Variants in PIF1 observed in about 807,000 individuals in gnomAD.
PIF1 encodes ATP-dependent DNA helicase PIF1.
A neutral mutation model predicts 62.3 loss-of-function variants in PIF1; 67 were observed. The observed-to-expected ratio is 1.08, with a 90% CI of 0.88 to 1.32. The LOEUF (loss-of-function observed/expected upper bound fraction) is 1.32, where lower values mean the gene tolerates loss of function less well. Ranked by LOEUF, PIF1 falls within the 40% of genes most tolerant of loss-of-function variation. The probability of loss-of-function intolerance (pLI) is 0.00; values close to 1 mark genes in which losing one functional copy is unlikely to be tolerated. For missense variants in PIF1, 886 were observed against 866.1 expected (o/e 1.02, Z -0.29); for synonymous variants, 364 against 379.5 (o/e 0.96, Z 0.47).
upstream of PIF1, among the ~76,000 whole-genome samples, chr15:64,826,622 A>ATT (rs1216640142): frequency 2.1e-3 from 104 of 50,170 alleles, no homozygotes; most frequent in East Asian, 0.018. Context: ...CACCCAGCTA[A>ATT]TTTATATATA....
rs374087577 is a variant in PIF1, at chr15:64,824,646, A to G, written c.-19-292T>C. On this transcript the variant is annotated intron_variant, in intron 1 of 12. Transcript: ENST00000559239. ...GGATCACCTGAAGTTAGGAGTTCTG[A>G]GACCAGCCTGGCCAACATGGTGAAA... Among the ~76,000 whole-genome samples the G allele has an allele frequency of 4.4e-4, 67 of 151,982 alleles. 2 individuals carry two copies. The East Asian group carries it at 9.7e-3, about 22-fold the overall frequency.
Position 64,822,490 on chromosome 15 carries a change from T to C in PIF1, c.679A>G (p.Thr227Ala). ...CTGCCCCCACTACCTGCACTCCCAGTGAAGAAGATGCTCTGGCCTTTCAGG... is the reference window on the plus strand; with the variant it reads ...CTGCCCCCACTACCTGCACTCCCAGCGAAGAAGATGCTCTGGCCTTTCAGG... ...AVLKGQSIFF[T>A]GSAGTGKSYL... Residue 227 changes from threonine (T) to alanine (A), a missense_variant, in exon 3 of 13, where the codon ACT becomes GCT. Physicochemically the swap from Thr to Ala is moderately conservative, Grantham distance 58. Transcript: ENST00000559239. 1 of 1,613,330 alleles carries C rather than the reference T, an allele frequency of 6.2e-7. No homozygotes were observed. The highest frequency in any genetic ancestry group is 8.5e-7 in the Non-Finnish European group (1 of 1,179,772).
Position 64,824,368 on chromosome 15 carries a change from G to A in PIF1, c.-19-14C>T, listed in dbSNP as rs764444835. ...GCCTCTGCTGGTCTGCGAAGACACC[G>A]GAGCACAGGGGTCATGAGGATTCAT... On this transcript the variant is annotated splice_polypyrimidine_tract_variant and intron_variant, in intron 1 of 12. Transcript: ENST00000559239. 2.0e-4 allele frequency: 250 copies of A among 1,239,168 alleles called. No homozygotes were observed. Among genetic ancestry groups the A allele is most frequent in the Middle Eastern group, 5.1e-4 (2 of 3,928 alleles). The allele number at this position is 1,239,168 out of a possible 1,614,324, so 76.8% of individuals were successfully genotyped here. A position where few individuals can be genotyped will look rare whatever the true frequency, so the allele number is the denominator to read the frequency against.
In PIF1 at chr15:64,821,254, G is replaced by A. The variant is rs137960587; in HGVS notation, c.999C>T (p.Phe333=). 36 of 1,614,234 alleles carry A rather than the reference G, an allele frequency of 2.2e-5. No individual in the cohort carries two copies. Among genetic ancestry groups the A allele is most frequent in the Non-Finnish European group, 2.5e-5 (29 of 1,180,048 alleles). Residue 333 remains phenylalanine, a synonymous_variant, in exon 6 of 13, where the codon TTC becomes TTT. Coordinates refer to ENST00000559239, the MANE Select transcript of PIF1 (RefSeq NM_001286496.2). ...ARAVRQQNKP[F]GGIQLIICGD... is the part of the protein sequence containing the mutation. ...CACAGATGATGAGCTGGATCCCTCC[G>A]AATGGCTTGTTCTGCTGCCGGACAG...
Position 64,822,612 on chromosome 15 carries a change from T to G in PIF1, c.559-2A>C. 2 of 1,613,676 alleles carry G rather than the reference T, an allele frequency of 1.2e-6. No homozygotes were observed. The highest frequency in any genetic ancestry group is 2.2e-5 in the East Asian group (1 of 44,886). ...AGGCAGGGGCCACCTTGGGGCTTCCTGGGGGGAACAGAGCTATCTCAGAGC... is the reference window on the plus strand; with the variant it reads ...AGGCAGGGGCCACCTTGGGGCTTCCGGGGGGGAACAGAGCTATCTCAGAGC... On this transcript the variant is annotated splice_acceptor_variant, in intron 2 of 12. Transcript: ENST00000559239. LOFTEE classifies it high-confidence loss of function.
At chr15:64,821,344 T>C in intron 5 of PIF1, 23 bp downstream of exon 5, 1 of 1,613,974 alleles carries the variant, frequency 6.2e-7, no homozygotes, top group South Asian at 1.1e-5. Context: ...AGTTCTCACC[T>C]GCTGCCCTCT....
chr15:64,818,575 G>C, intron 9 of PIF1: 1 of 535,074 alleles, frequency 1.9e-6, no homozygotes, highest in Non-Finnish European at 3.4e-6. Flanking sequence ...ATTTGCCCCA[G>C]AAGGAGGTGG....
In PIF1 at chr15:64,821,096, G is replaced by A. The variant is rs773180180; in HGVS notation, c.1087-8C>T. ...CCTCTTCCAGCTCTTGGACTGGTGG[G>A]GGCAGGGTGGGGGTGGGTCAAGGAG... On this transcript the variant is annotated splice_region_variant and splice_polypyrimidine_tract_variant and intron_variant, in intron 6 of 12. Coordinates refer to ENST00000559239, the MANE Select transcript of PIF1 (RefSeq NM_001286496.2). 1.9e-6 allele frequency: 3 copies of A among 1,613,366 alleles called. No individual in the cohort carries two copies. Among genetic ancestry groups the A allele is most frequent in the Non-Finnish European group, 2.5e-6 (3 of 1,179,356 alleles).
chr15:64,819,092 G>A (rs1219483806), intron 9 of PIF1, 25 bp downstream of exon 9: 4 of 1,545,502 alleles, frequency 2.6e-6, no homozygotes, highest in Non-Finnish European at 1.7e-6. Flanking sequence ...AAGCTCCCAG[G>A]GGCTAGGCCC....
In PIF1 at chr15:64,822,320, T is replaced by G. The variant is rs773428828; in HGVS notation, c.763A>C (p.Ser255Arg). 2 of 1,613,188 alleles carry G rather than the reference T, an allele frequency of 1.2e-6. No homozygotes were observed. The highest frequency in any genetic ancestry group is 1.7e-6 in the Non-Finnish European group (2 of 1,179,904). Residue 255 changes from serine (S) to arginine (R), a missense_variant, in exon 4 of 13, where the codon AGC becomes CGC. Coordinates refer to ENST00000559239, the MANE Select transcript of PIF1 (RefSeq NM_001286496.2). ...LPPTGTVATA[S>R]TGVAACHIGG... Reference sequence around the variant, plus strand: ...ATGTGGCAGGCTGCCACCCCAGTGCTGGCAGTGGCCACAGTGCCTGTGGGG... The same window carrying G: ...ATGTGGCAGGCTGCCACCCCAGTGCGGGCAGTGGCCACAGTGCCTGTGGGG...
Position 64,822,485 on chromosome 15 carries a change from C to T in PIF1, c.684G>A (p.Gly228=). 1 of 1,614,106 alleles carries T rather than the reference C, an allele frequency of 6.2e-7. No individual in the cohort carries two copies. The highest frequency in any genetic ancestry group is 1.6e-4 in the Middle Eastern group (1 of 6,062). ...VLKGQSIFFT[G]SAGTGKSYLL... ...CCTCTCTGCCCCCACTACCTGCACT[C>T]CCAGTGAAGAAGATGCTCTGGCCTT... Residue 228 remains glycine, a synonymous_variant, in exon 3 of 13, where the codon GGG becomes GGA. Coordinates refer to ENST00000559239, the MANE Select transcript of PIF1 (RefSeq NM_001286496.2).
Position 64,824,241 on chromosome 15 carries a change from G to C in PIF1, c.95C>G (p.Pro32Arg). 3 of 1,315,746 alleles carry C rather than the reference G, an allele frequency of 2.3e-6. No homozygotes were observed. Among genetic ancestry groups the C allele is most frequent in the Non-Finnish European group, 2.9e-6 (3 of 1,026,760 alleles). 81.5% of individuals were successfully genotyped at this position (1,315,746 alleles called of 1,614,324 possible). The change falls in exon 2 of 13, where the codon CCG becomes CGG. Residue 32 changes from proline (P) to arginine (R), a missense_variant. Coordinates refer to ENST00000559239, the MANE Select transcript of PIF1 (RefSeq NM_001286496.2). ...AVEELSPGGQ[P>R]RRRQALRTAE... is the part of the protein sequence containing the mutation. ...GGTGCGCAGGGCCTGGCGCCTTCGCGGCTGCCCGCCCGGGCTCAGCTCCTC... is the reference window on the plus strand; with the variant it reads ...GGTGCGCAGGGCCTGGCGCCTTCGCCGCTGCCCGCCCGGGCTCAGCTCCTC...
At chr15:64,818,696 C>T (rs986975653) in intron 9 of PIF1, 17 of 334,212 alleles carry the variant, frequency 5.1e-5, no homozygotes, top group Middle Eastern at 8.7e-4. Context: ...GTCCTGCCAC[C>T]CCTCTCAGAT....
At chr15:64,818,769 T>C in intron 9 of PIF1, 1 of 302,858 alleles carries the variant, frequency 3.3e-6, no homozygotes, top group Admixed American at 4.8e-5. Flanking sequence ...CCCCCAACAT[T>C]GAGGGAGGAA....
Position 64,819,898 on chromosome 15 carries a change from G to A in PIF1, c.1282C>T (p.His428Tyr). ...DGIVATRLCT[H>Y]QDDVALTNER... ...TTGGTGAGGGCCACATCATCCTGGT[G>A]GGTGCAGAGCCTCGTGGCCACAATC... Residue 428 changes from histidine (H) to tyrosine (Y), a missense_variant, in exon 8 of 13, where the codon CAC becomes TAC. Coordinates refer to ENST00000559239, the MANE Select transcript of PIF1 (RefSeq NM_001286496.2). 1 of 1,614,106 alleles carries A rather than the reference G, an allele frequency of 6.2e-7. No homozygotes were observed. Among genetic ancestry groups the A allele is most frequent in the Admixed American group, 1.7e-5 (1 of 60,026 alleles).
Position 64,824,132 on chromosome 15 carries a change from G to A in PIF1, c.204C>T (p.Cys68=), listed in dbSNP as rs1167038762. Reference sequence around the variant, plus strand: ...AGAGGCGCGCGGCGCGCAGAGGAAAGCAGCGCGGCCGCCCCGCGGGCCCTG... The same window carrying A: ...AGAGGCGCGCGGCGCGCAGAGGAAAACAGCGCGGCCGCCCCGCGGGCCCTG... ...QAPGPAGRPR[C]FPLRAARLFT... is the part of the protein sequence containing the mutation. The change falls in exon 2 of 13, where the codon TGC becomes TGT. Residue 68 remains cysteine (C), a synonymous_variant. Transcript: ENST00000559239. 3 of 1,283,578 alleles carry A rather than the reference G, an allele frequency of 2.3e-6. No individual in the cohort carries two copies. The highest frequency in any genetic ancestry group is 1.6e-5 in the African/African-American group (1 of 64,412). 79.5% of individuals were successfully genotyped at this position (1,283,578 alleles called of 1,614,324 possible). A position where few individuals can be genotyped will look rare whatever the true frequency, so the allele number is the denominator to read the frequency against.
intron 2 of PIF1, 110 bp from the exon 3 acceptor site, chr15:64,822,720 C>A: frequency 6.8e-7 from 1 of 1,474,496 alleles, no homozygotes; most frequent in South Asian, 1.3e-5. Context: ...TCCTCTACTG[C>A]CTTCATTCCA....
chr15:64,826,665 T>TATATATATATATATATATACAC (rs796684934), upstream of PIF1, among the ~76,000 whole-genome samples: 2 of 42,796 alleles, frequency 4.7e-5, no homozygotes, highest in Non-Finnish European at 4.2e-5. Flanking sequence ...TATATATATA[T>TATATATATATATATATATACAC]ACACACACAC....
At chr15:64,822,150 C>T in intron 4 of PIF1, 116 bp downstream of exon 4, 2 of 1,401,416 alleles carry the variant, frequency 1.4e-6, no homozygotes, top group East Asian at 2.3e-5. Flanking sequence ...TTTGGGATTA[C>T]AAGAGTGAGC....
Sources: gnomAD v4.1 joint callset for allele counts (sites outside exome capture counted in the v4.1 genomes callset) on GRCh38, gnomAD v4.1.1 for gene constraint, MANE v1.5 for transcripts, NCBI Gene and HGNC (gene_info 2026-07-23, HGNC 2026-07-21) for gene names.